ARFGEF1: variants seen among roughly 807,000 people sequenced by gnomAD.
The protein encoded by ARFGEF1 is ARF guanine nucleotide exchange factor 1, also known as brefeldin A-inhibited guanine nucleotide-exchange protein 1.
Under a neutral mutation model 231.0 loss-of-function variants are expected in ARFGEF1, and 42 were observed. The ratio of observed to expected loss-of-function variants is 0.18; its 90% CI spans 0.14 to 0.24. The LOEUF is 0.24. Ranked by LOEUF, ARFGEF1 falls within the 10% of genes least tolerant of loss-of-function variation. The probability of loss-of-function intolerance (pLI) is 1.00; values close to 1 mark genes in which losing one functional copy is unlikely to be tolerated. For missense variants in ARFGEF1, 1,345 were observed against 2,192.0 expected (o/e 0.61, Z 7.72); for synonymous variants, 710 against 732.3 (o/e 0.97, Z 0.49).
intron 29 of ARFGEF1, among the ~76,000 whole-genome samples, chr8:67,222,221 A>ATATGTATATG (rs1168920322): frequency 1.8e-5 from 2 of 114,202 alleles, no homozygotes; most frequent in Non-Finnish European, 3.4e-5. Context: ...ACATATATAT[A>ATATGTATATG]TATGTATATG....
intron 1 of ARFGEF1, among the ~76,000 whole-genome samples, chr8:67,337,105 T>G (rs7013561): frequency 0.33 from 45,120 of 137,976 alleles, 7,268 homozygotes; most frequent in East Asian, 0.39. Flanking sequence ...CTCCAGCCTG[T>G]GTGACAGAGC....
intron 16 of ARFGEF1, 85 bp downstream of exon 16, chr8:67,258,000 C>G: frequency 7.7e-7 from 1 of 1,293,946 alleles, no homozygotes; most frequent in Non-Finnish European, 1.1e-6. Flanking sequence ...GGGATTAGGT[C>G]CTATTATCTG....
downstream of ARFGEF1, chr8:67,175,449 C>T: frequency 6.2e-7 from 1 of 1,613,836 alleles, no homozygotes. Flanking sequence ...AAGAAATAAT[C>T]ATTGCTGTGT....
chr8:67,296,972 TAG>T (rs1173134003), intron 4 of ARFGEF1, among the ~76,000 whole-genome samples: 13 of 152,158 alleles, frequency 8.5e-5, no homozygotes, highest in African/African-American at 3.1e-4. Context: ...TTTCTGCATC[TAG>T]AGTTTCAGCA....
downstream of ARFGEF1, among the ~76,000 whole-genome samples, chr8:67,197,344 C>T (rs181987715): frequency 3.0e-3 from 451 of 152,104 alleles, 4 homozygotes; most frequent in Non-Finnish European, 4.4e-3. Context: ...GTCCTCACTA[C>T]TGGGGAGGGT....
chr8:67,222,694 G>A (rs772356878), intron 29 of ARFGEF1, among the ~76,000 whole-genome samples: 2 of 152,012 alleles, frequency 1.3e-5, no homozygotes, highest in East Asian at 1.9e-4. Flanking sequence ...CAGATGATCC[G>A]CCCACCTGGG....
chr8:67,340,447 A>C (rs765585709), intron 1 of ARFGEF1, among the ~76,000 whole-genome samples: 2 of 152,248 alleles, frequency 1.3e-5, no homozygotes, highest in Non-Finnish European at 2.9e-5. Context: ...CCAACAGACC[A>C]GAGCGGGCCT....
chr8:67,242,521 GA>G (rs1397079993), intron 19 of ARFGEF1, among the ~76,000 whole-genome samples: 2 of 152,168 alleles, frequency 1.3e-5, no homozygotes, highest in Non-Finnish European at 2.9e-5. Flanking sequence ...GCTGACTAAA[GA>G]GCCCCTGGGC....
chr8:67,275,829 C>G (rs1805290370), intron 9 of ARFGEF1, 147 bp downstream of exon 9: 1 of 894,184 alleles, frequency 1.1e-6, no homozygotes, highest in Non-Finnish European at 1.7e-6. Context: ...ATACTTTTTT[C>G]TTAAACGTAA....
intron 1 of ARFGEF1, among the ~76,000 whole-genome samples, chr8:67,328,256 T>C (rs1461935987): frequency 6.6e-6 from 1 of 152,218 alleles, no homozygotes; most frequent in Non-Finnish European, 1.5e-5. Flanking sequence ...TGGGTGCTAC[T>C]AATTCTTTAC....
chr8:67,338,841 T>C (rs1463084597), intron 1 of ARFGEF1, among the ~76,000 whole-genome samples: 1 of 152,232 alleles, frequency 6.6e-6, no homozygotes. Flanking sequence ...TTAATGGATT[T>C]AAATTATAAT....
chr8:67,335,790 G>A (rs1468038802), intron 1 of ARFGEF1, among the ~76,000 whole-genome samples: 1 of 149,716 alleles, frequency 6.7e-6, no homozygotes, highest in Non-Finnish European at 1.5e-5. Context: ...ACTGTCTCTC[G>A]GGCTGGAGTG....
At chr8:67,307,690 C>A (rs904197161) in intron 1 of ARFGEF1, among the ~76,000 whole-genome samples, 9 of 152,256 alleles carry the variant, frequency 5.9e-5, no homozygotes, top group Non-Finnish European at 7.4e-5. Flanking sequence ...CAGCAAGAAT[C>A]AAGATTTATG....
intron 19 of ARFGEF1, 117 bp from the exon 20 acceptor site, chr8:67,240,407 T>A: frequency 9.8e-7 from 1 of 1,019,124 alleles, no homozygotes; most frequent in African/African-American, 1.6e-5. Context: ...GGCAGTTATC[T>A]AGAAAGCTTT....
At chr8:67,203,348 G>T in intron 35 of ARFGEF1, 97 bp from the exon 36 acceptor site, 1 of 1,370,964 alleles carries the variant, frequency 7.3e-7, no homozygotes, top group Non-Finnish European at 1.0e-6. Flanking sequence ...TTACAAGAAA[G>T]CCACAGATAC....
At chr8:67,342,169 A>G (rs531386229) in intron 1 of ARFGEF1, among the ~76,000 whole-genome samples, 1 of 152,302 alleles carries the variant, frequency 6.6e-6, no homozygotes, top group Non-Finnish European at 1.5e-5. Context: ...CCAGTGCTAT[A>G]AAGTGTAAAC....
At chr8:67,324,774 A>C (rs1807753242) in intron 1 of ARFGEF1, among the ~76,000 whole-genome samples, 1 of 152,212 alleles carries the variant, frequency 6.6e-6, no homozygotes. Flanking sequence ...ATGTTCAATA[A>C]ATGTTTGTTA....
rs79757430 is a variant in ARFGEF1, at chr8:67,205,004, C to T, written c.4820-185G>A. Among the ~76,000 whole-genome samples, 1,056 of 152,250 alleles carry T rather than the reference C, an allele frequency of 6.9e-3. 37 individuals are homozygous for T. Among genetic ancestry groups the T allele is most frequent in the Admixed American group, 0.055 (841 of 15,284 alleles). On this transcript the variant is annotated intron_variant, in intron 34 of 38. Transcript: ENST00000262215. The stretch of plus-strand genomic sequence containing the variant: ...GTTTAACTGATATTTAGAAAAGCCT[C>T]GGAAAAGTAATTTTTAAAATAAAAG...
In ARFGEF1 at chr8:67,343,298, A is replaced by T; in HGVS notation, c.-11T>A. 6.2e-7 allele frequency: 1 copy of T among 1,611,632 alleles called. No homozygotes were observed. The highest frequency in any genetic ancestry group is 8.5e-7 in the Non-Finnish European group (1 of 1,178,340). On this transcript the variant is annotated 5_prime_UTR_variant, in exon 1 of 39. Coordinates refer to ENST00000262215, the MANE Select transcript of ARFGEF1 (RefSeq NM_006421.5). Reference sequence around the variant, plus strand: ...CTTCCCCTCATACATGGACGCAGAGAAGGAGGCGGCGGCTCGTCCGACCCG... The same window carrying T: ...CTTCCCCTCATACATGGACGCAGAGTAGGAGGCGGCGGCTCGTCCGACCCG...
Sources: allele counts gnomAD v4.1 joint callset (sites outside exome capture counted in the v4.1 genomes callset), GRCh38; gene constraint gnomAD v4.1.1; transcripts MANE v1.5; gene names NCBI Gene and HGNC (gene_info 2026-07-23, HGNC 2026-07-21).